Variants in DNAH14 observed in about 807,000 individuals in gnomAD.
DNAH14 encodes the protein dynein axonemal heavy chain 14, also known as axonemal beta dynein heavy chain 14.
In DNAH14, 478 loss-of-function variants were observed where a neutral mutation model predicts 520.9. The observed-to-expected ratio is 0.92, with a 90% CI of 0.85 to 0.99. The LOEUF is 0.99. Among genes scored for constraint, DNAH14 ranks in the 50% least tolerant of loss-of-function variants. DNAH14 has a pLI of 0.00. For synonymous variants in DNAH14, 1,581 were observed against 1,757.2 expected, an observed-to-expected ratio of 0.90 and a Z score of 2.51; for missense variants, 4,831 against 5,234.5, an observed-to-expected ratio of 0.92 and a Z score of 2.38.
At chr1:225,084,817 T>G (rs1264060532) in intron 20 of DNAH14, among the ~76,000 whole-genome samples, 3 of 14,494 alleles carry the variant, frequency 2.1e-4, no homozygotes, top group Non-Finnish European at 6.3e-3. Context: ...CACTGAAATT[T>G]TGCTTTACAC....
intron 55 of DNAH14, among the ~76,000 whole-genome samples, chr1:225,294,489 G>A (rs902353471): frequency 1.3e-5 from 2 of 152,018 alleles, no homozygotes; most frequent in Non-Finnish European, 2.9e-5. Context: ...TAATATTCTG[G>A]AATATCTTGA....
intron 23 of DNAH14, among the ~76,000 whole-genome samples, chr1:225,108,957 T>C (rs1032189338): frequency 6.6e-6 from 1 of 152,190 alleles, no homozygotes; most frequent in Non-Finnish European, 1.5e-5. Context: ...TCCTGCATCA[T>C]TTGTTGAGGA....
intron 10 of DNAH14, 75 bp downstream of exon 10, chr1:225,007,619 T>C: frequency 1.6e-6 from 2 of 1,232,280 alleles, no homozygotes. Context: ...ATTGCATCCC[T>C]GGAAAAAGTA....
rs1414446442 is a variant in DNAH14, at chr1:225,381,365, T to C, written c.12881-18T>C. The C allele has an allele frequency of 6.6e-7, 1 of 1,524,732 alleles. No individual in the cohort carries two copies. Among genetic ancestry groups the C allele is most frequent in the Admixed American group, 2.4e-5 (1 of 41,730 alleles). The allele number at this position is 1,524,732 out of a possible 1,614,324, so 94.5% of individuals were successfully genotyped here. On this transcript the variant is annotated intron_variant, in intron 80 of 85. Transcript: ENST00000682510. ...TAATCTGTAAAATATCAAAATTTTA[T>C]TTCTTTTTAAAATCCAGATCACGAC...
intron 8 of DNAH14, among the ~76,000 whole-genome samples, chr1:224,977,186 T>G (rs895945371): frequency 6.6e-6 from 1 of 152,078 alleles, no homozygotes; most frequent in Non-Finnish European, 1.5e-5. Context: ...ATGTCCTTTG[T>G]AAGGACATGG....
At chr1:225,071,334 A>G (rs943669451) in intron 17 of DNAH14, among the ~76,000 whole-genome samples, 1 of 152,050 alleles carries the variant, frequency 6.6e-6, no homozygotes, top group Non-Finnish European at 1.5e-5. Context: ...TTTCATTTTT[A>G]TATTAATGCT....
Position 225,080,484 on chromosome 1 carries a change from G to A in DNAH14, c.2872G>A (p.Ala958Thr). Residue 958 changes from alanine (A) to threonine (T), a missense_variant, in exon 19 of 86, where the codon GCA becomes ACA. By Grantham distance (58) the Ala-to-Thr change is moderately conservative. Transcript: ENST00000682510. Reference sequence around the variant, plus strand: ...TGCAAGTTTAACTAACAAAGCTAAAGCATATTCACATTATCAGGATTGTTT... The same window carrying A: ...TGCAAGTTTAACTAACAAAGCTAAAACATATTCACATTATCAGGATTGTTT... Reference protein sequence around the residue: ...EAASLTNKAKAYSHYQDCFSD... With the variant: ...EAASLTNKAKTYSHYQDCFSD... The A allele has an allele frequency of 6.4e-7, 1 of 1,551,748 alleles. No individual in the cohort carries two copies. Among genetic ancestry groups the A allele is most frequent in the Middle Eastern group, 1.7e-4 (1 of 5,992 alleles).
intron 54 of DNAH14, among the ~76,000 whole-genome samples, chr1:225,286,405 A>G (rs12741506): frequency 1.3e-5 from 2 of 152,216 alleles, no homozygotes; most frequent in Non-Finnish European, 2.9e-5. Flanking sequence ...ATCACTCTGT[A>G]TCCCATAAAT....
intron 41 of DNAH14, 123 bp downstream of exon 41, chr1:225,207,343 A>G: frequency 1.0e-6 from 1 of 973,224 alleles, no homozygotes; most frequent in Non-Finnish European, 1.4e-6. Context: ...ATTTGGACCA[A>G]CAGCAGATAT....
chr1:225,224,837 C>G (rs2090388937), intron 41 of DNAH14, among the ~76,000 whole-genome samples: 1 of 152,184 alleles, frequency 6.6e-6, no homozygotes, highest in Non-Finnish European at 1.5e-5. Context: ...CTTAGCCCAT[C>G]AATATTGTTA....
At chr1:225,057,565 G>A (rs1308276885) in intron 17 of DNAH14, among the ~76,000 whole-genome samples, 1 of 152,110 alleles carries the variant, frequency 6.6e-6, no homozygotes, top group African/African-American at 2.4e-5. Flanking sequence ...CCAACACTAT[G>A]TTGAATAAGA....
Position 225,333,379 on chromosome 1 carries a change from A to G in DNAH14, c.9953A>G (p.Tyr3318Cys), listed in dbSNP as rs750849124. ...CTTCTTTCAGCAGCGTGCATTGTCTACAGTGGAATTTTAACACCAGAATTT... is the reference window on the plus strand; with the variant it reads ...CTTCTTTCAGCAGCGTGCATTGTCTGCAGTGGAATTTTAACACCAGAATTT... ...DILLSAACIV[Y>C]SGILTPEFRQ... The change falls in exon 66 of 86, where the codon TAC (tyrosine) becomes TGC (cysteine). Residue 3318 changes from tyrosine to cysteine, a missense_variant. Physicochemically the swap from Tyr to Cys is radical, Grantham distance 194. Transcript: ENST00000682510. 9.0e-6 allele frequency: 14 copies of G among 1,551,790 alleles called. No homozygotes were observed. The South Asian group carries it at 1.5e-4, about 17-fold the overall frequency.
chr1:225,277,433 C>T lies in DNAH14; in HGVS notation c.8202C>T (p.Phe2734=), dbSNP rs1558243972. 4.3e-6 allele frequency: 2 copies of T among 470,170 alleles called. No homozygotes were observed. Among genetic ancestry groups the T allele is most frequent in the East Asian group, 1.4e-4 (2 of 14,356 alleles). The allele number at this position is 470,170 out of a possible 1,614,324, so 29.1% of individuals were successfully genotyped here. Residue 2734 remains phenylalanine, a synonymous_variant, in exon 54 of 86, where the codon TTC becomes TTT. Transcript: ENST00000682510. Reference sequence around the variant, plus strand: ...AGCTTTCTCATTCCATGGTGTTCTTCAAGGAAGCCATAGAACACATCATAA... The same window carrying T: ...AGCTTTCTCATTCCATGGTGTTCTTTAAGGAAGCCATAGAACACATCATAA... ...SLELSHSMVF[F]KEAIEHIIRA...
intron 55 of DNAH14, among the ~76,000 whole-genome samples, chr1:225,299,669 A>G (rs1194642281): frequency 3.3e-5 from 5 of 152,184 alleles, no homozygotes; most frequent in Non-Finnish European, 5.9e-5. Context: ...TGAAATGGAC[A>G]TGGCTCCTCT....
chr1:225,335,296 C>CACGTGTGT, intron 66 of DNAH14, among the ~76,000 whole-genome samples: 1 of 136,938 alleles, frequency 7.3e-6, no homozygotes, highest in African/African-American at 2.7e-5. Context: ...TGCACATATA[C>CACGTGTGT]ACATGTGTAC....
intron 50 of DNAH14, 83 bp downstream of exon 50, chr1:225,270,949 T>C (rs1448027139): frequency 7.3e-7 from 1 of 1,366,014 alleles, no homozygotes; most frequent in African/African-American, 1.5e-5. Flanking sequence ...TCCACTAATA[T>C]TGAAAGAAAA....
chr1:225,375,352 G>A (rs899535773), intron 78 of DNAH14, among the ~76,000 whole-genome samples: 2 of 152,226 alleles, frequency 1.3e-5, no homozygotes, highest in African/African-American at 4.8e-5. Flanking sequence ...GCAGCTGTGT[G>A]TGCCTGTTGA....
At chr1:225,317,879 G>A (rs534513357) in intron 60 of DNAH14, among the ~76,000 whole-genome samples, 12 of 152,198 alleles carry the variant, frequency 7.9e-5, no homozygotes, top group African/African-American at 2.6e-4. Context: ...TGACCTCTGG[G>A]CTTAATGTCA....
chr1:225,381,521 A>AT lies in DNAH14; in HGVS notation c.13019_13020insT (p.Gln4340HisfsTer8). 6.5e-7 allele frequency: 1 copy of AT among 1,548,130 alleles called. No homozygotes were observed. The highest frequency in any genetic ancestry group is 8.7e-7 in the Non-Finnish European group (1 of 1,146,094). ...ATAAAAGGAGAGATCATCCTCACCCAAGAATTGGAGGAAATATTTAACTCT... is the reference window on the plus strand; with the variant it reads ...ATAAAAGGAGAGATCATCCTCACCCATAGAATTGGAGGAAATATTTAACTCT... On this transcript the variant is annotated frameshift_variant, in exon 81 of 86. Transcript: ENST00000682510. LOFTEE classifies it high-confidence loss of function.
Sources: gnomAD v4.1 joint callset for allele counts (sites outside exome capture counted in the v4.1 genomes callset) on GRCh38, gnomAD v4.1.1 for gene constraint, MANE v1.5 for transcripts, NCBI Gene and HGNC (gene_info 2026-07-23, HGNC 2026-07-21) for gene names.